Variants in ZNF385D observed in about 807,000 individuals in gnomAD.
ZNF385D encodes the protein zinc finger protein 385D.
A neutral mutation model predicts 35.8 loss-of-function variants in ZNF385D; 15 were observed. That is an observed-to-expected ratio of 0.42 (90% CI 0.28 to 0.64). The LOEUF (loss-of-function observed/expected upper bound fraction) is 0.64. Among genes scored for constraint, ZNF385D ranks in the 30% least tolerant of loss-of-function variants. The probability of loss-of-function intolerance (pLI) is 0.23; values close to 1 mark genes in which losing one functional copy is unlikely to be tolerated. For missense variants in ZNF385D, 474 were observed against 494.6 expected, an observed-to-expected ratio of 0.96 and a Z score of 0.39; for synonymous variants, 212 against 186.8, an observed-to-expected ratio of 1.13 and a Z score of -1.10.
rs1224203631 is a variant in ZNF385D at position 22,115,141 on chromosome 3, G to C, written c.325+53676C>G. 2.0e-5 allele frequency among the ~76,000 whole-genome samples: 3 copies of C among 152,174 alleles called. No individual in the cohort carries two copies. The East Asian group carries it at 5.8e-4, about 29-fold the overall frequency. ...TGTGTATTCTCCCATGGCCAGAGAA[G>C]TCTTTCAAGCAGACCATTACAGGGC... On this transcript the variant is annotated intron_variant, in intron 3 of 5. Transcript: ENST00000494108.
intron 2 of ZNF385D, among the ~76,000 whole-genome samples, chr3:22,213,447 C>G (rs1218594688): frequency 1.3e-5 from 2 of 152,056 alleles, no homozygotes; most frequent in Non-Finnish European, 2.9e-5. Context: ...ATGTGATTTA[C>G]TTCTAGAAAT....
At chr3:22,164,078 T>G (rs1424057997) in intron 3 of ZNF385D, among the ~76,000 whole-genome samples, 1 of 152,124 alleles carries the variant, frequency 6.6e-6, no homozygotes, top group Admixed American at 6.6e-5. Context: ...ATATGGGGGA[T>G]AGGTAAAAGA....
chr3:22,171,876 C>CAAAAAAA (rs370469654), intron 2 of ZNF385D, among the ~76,000 whole-genome samples: 2 of 100,792 alleles, frequency 2.0e-5, no homozygotes, highest in Admixed American at 1.2e-4. Flanking sequence ...GACTCGGTCT[C>CAAAAAAA]AAAAAAAAAA....
intron 3 of ZNF385D, among the ~76,000 whole-genome samples, chr3:21,540,038 T>C (rs146631689): frequency 0.023 from 3,503 of 152,200 alleles, 89 homozygotes; most frequent in Non-Finnish European, 0.029. Context: ...TAAACAAAAT[T>C]AGACTTGCAA....
At chr3:21,534,096 T>C (rs1017444846) in intron 3 of ZNF385D, among the ~76,000 whole-genome samples, 2 of 151,818 alleles carry the variant, frequency 1.3e-5, no homozygotes, top group African/African-American at 2.4e-5. Context: ...TATAATCATC[T>C]TCATTATACA....
chr3:22,202,320 G>T (rs1183219332), intron 2 of ZNF385D, among the ~76,000 whole-genome samples: 1 of 152,068 alleles, frequency 6.6e-6, no homozygotes, highest in Non-Finnish European at 1.5e-5. Flanking sequence ...TCTAGGAAGT[G>T]TTCAGATTCA....
chr3:21,786,429 T>C (rs2071693472), intron 3 of ZNF385D, among the ~76,000 whole-genome samples: 1 of 152,190 alleles, frequency 6.6e-6, no homozygotes, highest in Non-Finnish European at 1.5e-5. Context: ...ATATTTCAGA[T>C]TTTAAACATA....
At chr3:21,900,546 T>C (rs1699350607) in intron 3 of ZNF385D, among the ~76,000 whole-genome samples, 1 of 152,132 alleles carries the variant, frequency 6.6e-6, no homozygotes, top group African/African-American at 2.4e-5. Context: ...ACTTTATTAG[T>C]GTTCATTTAG....
At chr3:22,036,477 G>A (rs1281446929) in intron 3 of ZNF385D, among the ~76,000 whole-genome samples, 1 of 151,736 alleles carries the variant, frequency 6.6e-6, no homozygotes, top group Non-Finnish European at 1.5e-5. Flanking sequence ...CAAACCAAGG[G>A]GAAAGGAAAT....
chr3:21,552,676 C>T (rs2125602980), intron 3 of ZNF385D, among the ~76,000 whole-genome samples: 1 of 152,188 alleles, frequency 6.6e-6, no homozygotes, highest in Admixed American at 6.5e-5. Flanking sequence ...AAAGAAACTG[C>T]AATGAGTTAT....
chr3:22,075,293 C>G, intron 3 of ZNF385D, among the ~76,000 whole-genome samples: 1 of 151,980 alleles, frequency 6.6e-6, no homozygotes, highest in Middle Eastern at 3.4e-3. Flanking sequence ...ATTTTCCTTT[C>G]CAGTTTCCCT....
At chr3:22,066,531 CCTGTGTGTGT>C (rs1283930931) in intron 3 of ZNF385D, among the ~76,000 whole-genome samples, 1 of 38,198 alleles carries the variant, frequency 2.6e-5, no homozygotes, top group African/African-American at 1.2e-4. Context: ...GAGATGGTTC[CCTGTGTGTGT>C]GTGTGTGTGT....
chr3:21,588,565 G>GA (rs2063880680), intron 2 of ZNF385D, among the ~76,000 whole-genome samples: 2 of 151,898 alleles, frequency 1.3e-5, no homozygotes, highest in African/African-American at 2.4e-5. Context: ...AGACATTAAA[G>GA]AAAAAACTAA....
intron 3 of ZNF385D, among the ~76,000 whole-genome samples, chr3:21,869,694 G>A (rs1252426676): frequency 6.6e-6 from 1 of 152,044 alleles, no homozygotes; most frequent in Non-Finnish European, 1.5e-5. Flanking sequence ...AACATAAGAT[G>A]AAAAATAAAA....
chr3:21,463,245 T>C (rs13061028), intron 4 of ZNF385D, among the ~76,000 whole-genome samples: 22,685 of 151,966 alleles, frequency 0.15, 1,848 homozygotes, highest in East Asian at 0.32. Flanking sequence ...ATGAAACAGA[T>C]ACTACATTCA....
At chr3:21,424,362 T>G (rs1398179236) in intron 6 of ZNF385D, among the ~76,000 whole-genome samples, 1 of 141,742 alleles carries the variant, frequency 7.1e-6, no homozygotes, top group African/African-American at 2.6e-5. Context: ...CTACCCAGGT[T>G]GAAGTGCAGT....
chr3:21,594,581 G>C (rs1559442566), intron 2 of ZNF385D, among the ~76,000 whole-genome samples: 1 of 152,148 alleles, frequency 6.6e-6, no homozygotes, highest in Non-Finnish European at 1.5e-5. Context: ...GTGGGGGCCT[G>C]AGTAGATAAC....
chr3:21,858,602 A>G (rs941781772), intron 3 of ZNF385D, among the ~76,000 whole-genome samples: 1 of 151,974 alleles, frequency 6.6e-6, no homozygotes, highest in Non-Finnish European at 1.5e-5. Flanking sequence ...ATAGTCTCTC[A>G]GGAGACACTG....
chr3:21,864,994 T>TTTTTTC (rs1441614477), intron 3 of ZNF385D, among the ~76,000 whole-genome samples: 1 of 149,478 alleles, frequency 6.7e-6, no homozygotes, highest in Non-Finnish European at 1.5e-5. Context: ...ACAATGCTTT[T>TTTTTTC]TTTTTTTTTC....
Sources: gnomAD v4.1 joint callset for allele counts (sites outside exome capture counted in the v4.1 genomes callset) on GRCh38, gnomAD v4.1.1 for gene constraint, MANE v1.5 for transcripts, NCBI Gene and HGNC (gene_info 2026-07-23, HGNC 2026-07-21) for gene names.